ARHGAP26: variants seen among roughly 807,000 people sequenced by gnomAD.
ARHGAP26 encodes rho GTPase-activating protein 26.
ARHGAP26 carries 38 observed loss-of-function variants against 104.8 expected under a neutral mutation model. That is an observed-to-expected ratio of 0.36 (90% CI 0.28 to 0.48). The LOEUF is 0.48. Among genes scored for constraint, ARHGAP26 ranks in the 20% least tolerant of loss-of-function variants. The pLI, the probability that ARHGAP26 is intolerant of heterozygous loss-of-function variation, is 0.99. For missense variants in ARHGAP26, 704 were observed against 947.9 expected (o/e 0.74, Z 3.38); for synonymous variants, 341 against 340.0 (o/e 1.00, Z -0.03).
rs980108953 is a variant in ARHGAP26, at chr5:143,226,387, A to G, written c.*3941A>G. 2.9e-5 allele frequency: 5 copies of G among 174,884 alleles called. No individual in the cohort carries two copies. The highest frequency in any genetic ancestry group is 6.2e-5 in the Non-Finnish European group (5 of 81,298). 10.8% of individuals were successfully genotyped at this position (174,884 alleles called of 1,614,324 possible). On this transcript the variant is annotated 3_prime_UTR_variant, in exon 23 of 23. Transcript: ENST00000645722. ...TCCCAGCTACTCTGGAGGCTGAGGC[A>G]GGAGAATGGCATGAACCCAGGAGGC...
chr5:142,797,288 A>G (rs1244818221), intron 1 of ARHGAP26, among the ~76,000 whole-genome samples: 1 of 152,244 alleles, frequency 6.6e-6, no homozygotes, highest in Non-Finnish European at 1.5e-5. Flanking sequence ...GATTTTCAGC[A>G]TCATAGGAAA....
intron 11 of ARHGAP26, among the ~76,000 whole-genome samples, chr5:142,988,744 A>T (rs1282922344): frequency 2.0e-5 from 3 of 152,030 alleles, no homozygotes; most frequent in Non-Finnish European, 4.4e-5. Context: ...TCATTTCGTT[A>T]TGTACCCAGT....
At chr5:143,069,270 G>A (rs1787928017) in intron 17 of ARHGAP26, among the ~76,000 whole-genome samples, 1 of 152,100 alleles carries the variant, frequency 6.6e-6, no homozygotes, top group Non-Finnish European at 1.5e-5. Flanking sequence ...CGAAATGTAA[G>A]CTCCACGAGG....
At position 142,842,268 on chromosome 5, in the gene ARHGAP26, AT is replaced by A. The variant is rs1234463324; in HGVS notation, c.155-31125del. ...TAGATCCTCCACCAACATTTCAAGA[AT>A]TTTTTTGTGTTCTGAAGCGGCATGT... On this transcript the variant is annotated intron_variant, in intron 1 of 22. Transcript: ENST00000645722. Among the ~76,000 whole-genome samples, 9 of 152,176 alleles carry A rather than the reference AT, an allele frequency of 5.9e-5. No homozygotes were observed. In the East Asian group the frequency reaches 1.5e-3, roughly 26 times the overall value.
Position 142,915,025 on chromosome 5 carries a change from A to G in ARHGAP26, c.1028+1732A>G, listed in dbSNP as rs533141862. On this transcript the variant is annotated intron_variant, in intron 10 of 22. Transcript: ENST00000645722. ...CTCTGTCAGATTGGAAACAAGCCCA[A>G]ATTTGCTTTCTGAAGCTGAATTATT... Among the ~76,000 whole-genome samples the G allele has an allele frequency of 2.0e-5, 3 of 152,210 alleles. No individual in the cohort carries two copies. In the South Asian group the frequency reaches 6.2e-4, roughly 32 times the overall value.
chr5:143,147,517 C>A, intron 20 of ARHGAP26, 136 bp downstream of exon 20: 2 of 1,020,134 alleles, frequency 2.0e-6, no homozygotes, highest in Non-Finnish European at 2.8e-6. Flanking sequence ...AAACTGGGAG[C>A]TCAGCTGGCT....
At chr5:142,784,094 C>T (rs1024593188) in intron 1 of ARHGAP26, among the ~76,000 whole-genome samples, 8 of 152,150 alleles carry the variant, frequency 5.3e-5, no homozygotes, top group African/African-American at 1.9e-4. Flanking sequence ...GCCTTCTGAC[C>T]GAAGCTGCCC....
chr5:142,835,382 C>T (rs1458600072), intron 1 of ARHGAP26, among the ~76,000 whole-genome samples: 1 of 152,192 alleles, frequency 6.6e-6, no homozygotes, highest in East Asian at 1.9e-4. Context: ...TGGCCCCATT[C>T]ATTTAACTCC....
rs575188124 is a variant in ARHGAP26, at chr5:142,950,504, C to CT, written c.1107+18384dup. On this transcript the variant is annotated intron_variant, in intron 11 of 22. Transcript: ENST00000645722. ...TTTTCCTAAACAACTCTATTCATTT[C>CT]TTTTTCTATTCCTGGTTCACACAAG... Among the ~76,000 whole-genome samples, 516 of 151,968 alleles carry CT rather than the reference C, an allele frequency of 3.4e-3. 11 individuals are homozygous for CT. The highest frequency in any genetic ancestry group is 1.6e-3 in the Non-Finnish European group (109 of 67,964).
rs926820700 is a variant in ARHGAP26, at chr5:143,071,776, C to T, written c.1538+14029C>T. ...AAAATTAGCCAGGCGTGGTGGCATG[C>T]GCCTGTAATCCCCAGCCACTTGGGA... On this transcript the variant is annotated intron_variant, in intron 17 of 22. Transcript: ENST00000645722. 3.1e-4 allele frequency among the ~76,000 whole-genome samples: 47 copies of T among 151,766 alleles called. 1 individual carries two copies. The highest frequency in any genetic ancestry group is 1.0e-3 in the South Asian group (5 of 4,794).
chr5:143,144,635 T>G (rs1798945926), intron 19 of ARHGAP26, among the ~76,000 whole-genome samples: 1 of 152,192 alleles, frequency 6.6e-6, no homozygotes, highest in African/African-American at 2.4e-5. Flanking sequence ...CTCAAACTCT[T>G]GGCCTCAAGT....
chr5:143,132,879 C>A (rs1341613356), intron 18 of ARHGAP26, among the ~76,000 whole-genome samples: 5 of 145,644 alleles, frequency 3.4e-5, no homozygotes, highest in African/African-American at 1.0e-4. Context: ...AAAAAAAAAA[C>A]TGTTATCTTC....
rs568399134 is a variant in ARHGAP26 at position 143,201,205 on chromosome 5, ATGCTGTGTTGT to A, written c.1989-5986_1989-5976del. Among the ~76,000 whole-genome samples the A allele has an allele frequency of 2.6e-5, 4 of 152,286 alleles. No homozygotes were observed. The East Asian group carries it at 7.7e-4, about 29-fold the overall frequency. ...AAATGTTCCTTGCATGCTACAGTGT[ATGCTGTGTTGT>A]TGCTGTCATTGGGCCTAGATGTGGG... On this transcript the variant is annotated intron_variant, in intron 20 of 22. Coordinates refer to ENST00000645722, the MANE Select transcript of ARHGAP26 (RefSeq NM_001135608.3).
intron 20 of ARHGAP26, among the ~76,000 whole-genome samples, chr5:143,174,990 T>G (rs1277462811): frequency 6.6e-6 from 1 of 152,190 alleles, no homozygotes; most frequent in Non-Finnish European, 1.5e-5. Context: ...TTAACTACAT[T>G]TCAAATTTGA....
At position 143,224,716 on chromosome 5, in the gene ARHGAP26, T is replaced by G. The variant is rs1220781247; in HGVS notation, c.*2270T>G. 1 of 229,378 alleles carries G rather than the reference T, an allele frequency of 4.4e-6. No homozygotes were observed. The highest frequency in any genetic ancestry group is 6.2e-5 in the East Asian group (1 of 16,032). 14.2% of individuals were successfully genotyped at this position (229,378 alleles called of 1,614,324 possible). On this transcript the variant is annotated 3_prime_UTR_variant, in exon 23 of 23. Coordinates refer to ENST00000645722, the MANE Select transcript of ARHGAP26 (RefSeq NM_001135608.3). Reference sequence around the variant, plus strand: ...GCTTCTTAGAATGTTCAGTTCTCAATGTGCTGCTGCTTTCCCTTCTCCTAA... The same window carrying G: ...GCTTCTTAGAATGTTCAGTTCTCAAGGTGCTGCTGCTTTCCCTTCTCCTAA...
At chr5:143,056,179 C>A in intron 16 of ARHGAP26, 93 bp downstream of exon 16, 1 of 1,041,986 alleles carries the variant, frequency 9.6e-7, no homozygotes, top group Non-Finnish European at 1.5e-6. Flanking sequence ...TTACCTAACC[C>A]TTCGTATTCT....
At chr5:142,803,259 A>G (rs75202803) in intron 1 of ARHGAP26, among the ~76,000 whole-genome samples, 3,555 of 152,266 alleles carry the variant, frequency 0.023, 52 homozygotes, top group Middle Eastern at 0.054. Flanking sequence ...TTCAGAATAA[A>G]TATGTCCCAA....
Position 142,821,300 on chromosome 5 carries a change from G to GTTTT in ARHGAP26, c.154+50409_154+50412dup, listed in dbSNP as rs71576157. ...TTGGCAGGCTTCCTAAGGTAGAGTG[G>GTTTT]TTTTTTTTTTTTTTTTTTTTTTTTT... On this transcript the variant is annotated intron_variant, in intron 1 of 22. Transcript: ENST00000645722. Among the ~76,000 whole-genome samples the GTTTT allele has an allele frequency of 1.9e-3, 205 of 106,350 alleles. 2 individuals carry two copies. The highest frequency in any genetic ancestry group is 7.7e-3 in the African/African-American group (200 of 26,062). The allele number at this position is 106,350 out of a possible 152,430, so 69.8% of individuals were successfully genotyped here. A position where few individuals can be genotyped will look rare whatever the true frequency, so the allele number is the denominator to read the frequency against.
chr5:142,864,513 G>A (rs967474273), intron 1 of ARHGAP26, among the ~76,000 whole-genome samples: 1 of 152,206 alleles, frequency 6.6e-6, no homozygotes, highest in East Asian at 1.9e-4. Flanking sequence ...GGTTTTCTGA[G>A]CACTGAAGAA....
Sources: gnomAD v4.1 joint callset for allele counts (sites outside exome capture counted in the v4.1 genomes callset) on GRCh38, gnomAD v4.1.1 for gene constraint, MANE v1.5 for transcripts, NCBI Gene and HGNC (gene_info 2026-07-23, HGNC 2026-07-21) for gene names.